PGLYRP3: variants seen among roughly 807,000 people sequenced by gnomAD.
PGLYRP3 encodes peptidoglycan recognition protein I alpha.
Under a neutral mutation model 36.0 loss-of-function variants are expected in PGLYRP3, and 39 were observed. The observed-to-expected ratio is 1.08, with a 90% CI of 0.84 to 1.41. The LOEUF (loss-of-function observed/expected upper bound fraction) is 1.41, where lower values mean the gene tolerates loss of function less well. Among genes scored for constraint, PGLYRP3 ranks in the 40% most tolerant of loss-of-function variants. The probability of loss-of-function intolerance (pLI) is 0.00; values close to 1 mark genes in which losing one functional copy is unlikely to be tolerated. For synonymous variants in PGLYRP3, 204 were observed against 172.8 expected (o/e 1.18, Z -1.42); for missense variants, 407 against 427.9 (o/e 0.95, Z 0.43).
rs546250248 is a variant in PGLYRP3 at position 153,303,210 on chromosome 1, C to A, written c.530-603G>T. Reference sequence around the variant, plus strand: ...CTGGTTTTAGGTTGCTGCTTATTCACTTCAAAATAGTGCATTATTTTTATT... The same window carrying A: ...CTGGTTTTAGGTTGCTGCTTATTCAATTCAAAATAGTGCATTATTTTTATT... On this transcript the variant is annotated intron_variant, in intron 5 of 7. Coordinates refer to ENST00000683862, the MANE Select transcript of PGLYRP3 (RefSeq NM_052891.3). 8.3e-4 allele frequency among the ~76,000 whole-genome samples: 127 copies of A among 152,326 alleles called. No individual in the cohort carries two copies. In the Middle Eastern group the frequency reaches 0.01, roughly 12 times the overall value.
chr1:153,300,333 C>T (rs1397327939), intron 6 of PGLYRP3, among the ~76,000 whole-genome samples: 2 of 152,184 alleles, frequency 1.3e-5, no homozygotes, highest in African/African-American at 4.8e-5. Context: ...CCCCAATCAC[C>T]CCCCACAAAG....
rs922380754 is a variant in PGLYRP3, at chr1:153,297,725, A to G, written c.*231T>C. The G allele has an allele frequency of 1.1e-5, 5 of 450,042 alleles. No homozygotes were observed. Among genetic ancestry groups the G allele is most frequent in the Non-Finnish European group, 2.0e-5 (5 of 252,704 alleles). 27.9% of individuals were successfully genotyped at this position (450,042 alleles called of 1,614,324 possible). ...GGAGGTAAGTGCCCAGGGGAGAGGT[A>G]GGTAAAAGAGAGGGGAAGTCTAAAC... On this transcript the variant is annotated 3_prime_UTR_variant, in exon 8 of 8. Transcript: ENST00000683862.
rs1032646651 is a variant in PGLYRP3, at chr1:153,307,358, C to T, written c.56-91G>A. 36 of 1,234,670 alleles carry T rather than the reference C, an allele frequency of 2.9e-5. No individual in the cohort carries two copies. In the Middle Eastern group the frequency reaches 1.6e-3, roughly 55 times the overall value. 76.5% of individuals were successfully genotyped at this position (1,234,670 alleles called of 1,614,324 possible). A position where few individuals can be genotyped will look rare whatever the true frequency, so the allele number is the denominator to read the frequency against. On this transcript the variant is annotated intron_variant, in intron 2 of 7. Transcript: ENST00000683862. ...TGTGCCCTGACCTCTCATGCTCAGG[C>T]CCGACCTGCCCCATGCATGGGAGAC... is the stretch of plus-strand genomic sequence containing the variant.
chr1:153,302,401 C>T lies in PGLYRP3; in HGVS notation c.728+8G>A, dbSNP rs747203422. 6.2e-7 allele frequency: 1 copy of T among 1,613,668 alleles called. No individual in the cohort carries two copies. The highest frequency in any genetic ancestry group is 8.5e-7 in the Non-Finnish European group (1 of 1,179,728). On this transcript the variant is annotated splice_region_variant and intron_variant, in intron 6 of 7. Coordinates refer to ENST00000683862, the MANE Select transcript of PGLYRP3 (RefSeq NM_052891.3). ...AAAGAGGGTTCTTTTGGCATTGATCCCACTTACTGATATCCAATGTCACAA... is the reference window on the plus strand; with the variant it reads ...AAAGAGGGTTCTTTTGGCATTGATCTCACTTACTGATATCCAATGTCACAA...
rs756097190 is a variant in PGLYRP3, at chr1:153,299,098, A to G, written c.847+15T>C. The G allele has an allele frequency of 1.3e-5, 21 of 1,608,134 alleles. No homozygotes were observed. Among genetic ancestry groups the G allele is most frequent in the Middle Eastern group, 1.7e-4 (1 of 6,052 alleles). ...TCAACCCCCAGCACCCCTCTACCCC[A>G]TGCTCACCCCTTACCTACAAAGTAG... On this transcript the variant is annotated intron_variant, in intron 7 of 7. Transcript: ENST00000683862.
At chr1:153,304,060 AG>A (rs767655118) in intron 4 of PGLYRP3, 51 bp from the exon 5 acceptor site, 35 of 1,543,868 alleles carry the variant, frequency 2.3e-5, no homozygotes, top group Non-Finnish European at 2.9e-5. Flanking sequence ...AACTCCACCT[AG>A]ACCAGACACC....
At chr1:153,301,957 G>A (rs921918243) in intron 6 of PGLYRP3, among the ~76,000 whole-genome samples, 2 of 152,158 alleles carry the variant, frequency 1.3e-5, no homozygotes, top group Non-Finnish European at 1.5e-5. Flanking sequence ...GCCCAGAGAG[G>A]TTAAAAGTTC....
intron 2 of PGLYRP3, among the ~76,000 whole-genome samples, chr1:153,309,586 T>C (rs1481014094): frequency 6.6e-6 from 1 of 152,066 alleles, no homozygotes; most frequent in African/African-American, 2.4e-5. Flanking sequence ...AGCAAATACA[T>C]GACCAGGACC....
chr1:153,305,008 G>A lies in PGLYRP3; in HGVS notation c.315C>T (p.Gly105=). Residue 105 remains glycine (G), a synonymous_variant, in exon 4 of 8, where the codon GGC becomes GGT. Transcript: ENST00000683862. ...TGTTGTTGTAGCCCTGGGTGTGCAAGCCTTGGATGTTCCAGCCAACACCTT... is the reference window on the plus strand; with the variant it reads ...TGTTGTTGTAGCCCTGGGTGTGCAAACCTTGGATGTTCCAGCCAACACCTT... ...VYEGVGWNIQ[G]LHTQGYNNIS... 1 of 1,613,896 alleles carries A rather than the reference G, an allele frequency of 6.2e-7. No individual in the cohort carries two copies. The highest frequency in any genetic ancestry group is 8.5e-7 in the Non-Finnish European group (1 of 1,179,896).
chr1:153,306,925 T>G, intron 3 of PGLYRP3, 141 bp downstream of exon 3: 1 of 837,742 alleles, frequency 1.2e-6, no homozygotes, highest in African/African-American at 1.7e-5. Context: ...TCGGATTTTG[T>G]TTGATTCCCC....
chr1:153,307,035 G>T (rs199508042), intron 3 of PGLYRP3, 31 bp downstream of exon 3: 20 of 1,605,150 alleles, frequency 1.2e-5, no homozygotes, highest in Non-Finnish European at 1.6e-5. Context: ...GACTTTGGAT[G>T]TGGGCCTCAG....
chr1:153,310,796 A>AT (rs1659876695), intron 1 of PGLYRP3, 90 bp from the exon 2 acceptor site: 11 of 832,044 alleles, frequency 1.3e-5, no homozygotes, highest in Admixed American at 4.7e-5. Flanking sequence ...TGCCTCCCCT[A>AT]CCATCCTGTG....
intron 2 of PGLYRP3, among the ~76,000 whole-genome samples, chr1:153,309,001 CAT>C (rs10554939): frequency 0.4 from 60,453 of 151,970 alleles, 12,691 homozygotes; most frequent in Non-Finnish European, 0.47. Context: ...AGCTAACACA[CAT>C]GTCTTAATCA....
Position 153,304,946 on chromosome 1 carries a change from C to G in PGLYRP3, c.376+1G>C. On this transcript the variant is annotated splice_donor_variant, in intron 4 of 7. Transcript: ENST00000683862. LOFTEE classifies it high-confidence loss of function. ...CAGGGTCCGCAGGGAGTGACCCTTA[C>G]CTATCTTATTGCCAAAGAAGGCGAT... is the stretch of plus-strand genomic sequence containing the variant. 1 of 1,612,138 alleles carries G rather than the reference C, an allele frequency of 6.2e-7. No individual in the cohort carries two copies. The highest frequency in any genetic ancestry group is 8.5e-7 in the Non-Finnish European group (1 of 1,178,710).
intron 7 of PGLYRP3, 40 bp downstream of exon 7, chr1:153,299,073 T>G: frequency 6.5e-7 from 1 of 1,540,422 alleles, no homozygotes; most frequent in Non-Finnish European, 9.0e-7. Context: ...GCATGGTCCT[T>G]CAACCCCCAG....
chr1:153,299,744 A>G (rs190107431), intron 6 of PGLYRP3, among the ~76,000 whole-genome samples: 4 of 152,250 alleles, frequency 2.6e-5, no homozygotes, highest in Middle Eastern at 3.4e-3. Context: ...CTACCTGTAA[A>G]AACAGTCCAA....
intron 2 of PGLYRP3, 70 bp from the exon 3 acceptor site, chr1:153,307,337 C>T: frequency 1.4e-6 from 2 of 1,457,786 alleles, no homozygotes; most frequent in African/African-American, 1.4e-5. Flanking sequence ...CGACCATGTG[C>T]CCTGACCTCT....
intron 6 of PGLYRP3, among the ~76,000 whole-genome samples, chr1:153,300,594 AC>A (rs1421643807): frequency 6.6e-6 from 1 of 152,218 alleles, no homozygotes; most frequent in Admixed American, 6.5e-5. Flanking sequence ...AAGGACTCTT[AC>A]GCACACAAGC....
chr1:153,303,830 A>G (rs1659662921), intron 5 of PGLYRP3, 27 bp downstream of exon 5: 1 of 1,589,932 alleles, frequency 6.3e-7, no homozygotes. Flanking sequence ...GACGAGGAGG[A>G]GGGTGAGGTG....
Sources: allele counts gnomAD v4.1 joint callset (sites outside exome capture counted in the v4.1 genomes callset), GRCh38; gene constraint gnomAD v4.1.1; transcripts MANE v1.5; gene names NCBI Gene and HGNC (gene_info 2026-07-23, HGNC 2026-07-21).